NLGN1: variants seen among roughly 807,000 people sequenced by gnomAD.
NLGN1 encodes neuroligin 1.
In NLGN1, 12 loss-of-function variants were observed where a neutral mutation model predicts 65.5. The ratio of observed to expected loss-of-function variants is 0.18; its 90% CI spans 0.12 to 0.30. The LOEUF is 0.30. Among genes scored for constraint, NLGN1 ranks in the 10% least tolerant of loss-of-function variants. The pLI, the probability that NLGN1 is intolerant of heterozygous loss-of-function variation, is 1.00. For synonymous variants in NLGN1, 350 were observed against 359.5 expected, an observed-to-expected ratio of 0.97 and a Z score of 0.30; for missense variants, 750 against 1,007.1, an observed-to-expected ratio of 0.74 and a Z score of 3.46.
chr3:173,946,796 C>T (rs1021714089), intron 4 of NLGN1, among the ~76,000 whole-genome samples: 2 of 152,164 alleles, frequency 1.3e-5, no homozygotes, highest in Non-Finnish European at 2.9e-5. Context: ...AATATGGAAT[C>T]TTGTTTCTTT....
At chr3:174,007,151 G>T (rs1041725640) in intron 4 of NLGN1, among the ~76,000 whole-genome samples, 1 of 152,132 alleles carries the variant, frequency 6.6e-6, no homozygotes, top group African/African-American at 2.4e-5. Context: ...ACCATGCGGA[G>T]CACAGTAAGA....
chr3:173,804,808 C>T (rs1221350753), intron 3 of NLGN1, among the ~76,000 whole-genome samples: 6 of 152,072 alleles, frequency 3.9e-5, no homozygotes, highest in Non-Finnish European at 8.8e-5. Flanking sequence ...GGGCAGATCA[C>T]CTGAGGTCAG....
chr3:173,397,304 A>T (rs1560194836), upstream of NLGN1, among the ~76,000 whole-genome samples: 1 of 152,126 alleles, frequency 6.6e-6, no homozygotes, highest in Non-Finnish European at 1.5e-5. Flanking sequence ...TAAGTACATG[A>T]CACTAAATTT....
chr3:173,539,680 A>ATGTATATATG (rs1491320246), intron 2 of NLGN1, among the ~76,000 whole-genome samples: 6 of 83,478 alleles, frequency 7.2e-5, no homozygotes, highest in African/African-American at 5.2e-4. Context: ...CATATATAAC[A>ATGTATATATG]TACATATATG....
At chr3:173,642,848 G>A (rs1166834577) in intron 3 of NLGN1, among the ~76,000 whole-genome samples, 1 of 152,126 alleles carries the variant, frequency 6.6e-6, no homozygotes, top group Non-Finnish European at 1.5e-5. Context: ...ACTTATGTAT[G>A]ACCCTTTATA....
intron 4 of NLGN1, among the ~76,000 whole-genome samples, chr3:174,093,027 T>C (rs1332038923): frequency 6.6e-6 from 1 of 152,184 alleles, no homozygotes; most frequent in Non-Finnish European, 1.5e-5. Context: ...GGGCCATACC[T>C]AACAACAGTG....
At chr3:173,421,090 A>G (rs1447111469) in intron 1 of NLGN1, among the ~76,000 whole-genome samples, 1 of 152,124 alleles carries the variant, frequency 6.6e-6, no homozygotes, top group African/African-American at 2.4e-5. Context: ...TAATAATACA[A>G]TTGTTATAAA....
chr3:173,449,130 C>T (rs1272230430), intron 2 of NLGN1, among the ~76,000 whole-genome samples: 3 of 151,964 alleles, frequency 2.0e-5, no homozygotes, highest in Non-Finnish European at 1.5e-5. Flanking sequence ...GCTCTTGCTT[C>T]TCTAATTCTT....
At chr3:173,587,851 T>C (rs1747764269) in intron 2 of NLGN1, among the ~76,000 whole-genome samples, 2 of 152,214 alleles carry the variant, frequency 1.3e-5, no homozygotes, top group Non-Finnish European at 2.9e-5. Flanking sequence ...TTTTATGTGT[T>C]GCAACTGGCC....
chr3:173,459,956 A>T (rs1723098388), intron 2 of NLGN1, among the ~76,000 whole-genome samples: 1 of 152,080 alleles, frequency 6.6e-6, no homozygotes, highest in South Asian at 2.1e-4. Context: ...AGAAGCAATT[A>T]TTTTTATAGC....
In NLGN1 at chr3:174,262,009, C is replaced by G. The variant is rs1040366758; in HGVS notation, c.647-13306C>G. 3.9e-4 allele frequency among the ~76,000 whole-genome samples: 56 copies of G among 142,956 alleles called. 1 individual carries two copies. Among genetic ancestry groups the G allele is most frequent in the Admixed American group, 1.4e-3 (20 of 14,290 alleles). The allele number at this position is 142,956 out of a possible 152,430, so 93.8% of individuals were successfully genotyped here. A position where few individuals can be genotyped will look rare whatever the true frequency, so the allele number is the denominator to read the frequency against. On this transcript the variant is annotated intron_variant, in intron 4 of 6. Coordinates refer to ENST00000457714, the Ensembl canonical transcript of NLGN1. ...ATTTACTGATTTGCGTATATTGAAC[C>G]AGCCTTGCATCCCAGGGATGAAGCC...
intron 1 of NLGN1, among the ~76,000 whole-genome samples, chr3:173,431,768 G>A (rs543886179): frequency 6.6e-6 from 1 of 152,102 alleles, no homozygotes; most frequent in Non-Finnish European, 1.5e-5. Context: ...GAATGTTGGT[G>A]TAGTACAGTC....
chr3:174,254,291 G>T (rs1413172720), intron 4 of NLGN1, among the ~76,000 whole-genome samples: 1 of 144,868 alleles, frequency 6.9e-6, no homozygotes, highest in Admixed American at 7.0e-5. Context: ...GATTTCTTAG[G>T]AAAAGTCCTT....
In NLGN1 at chr3:174,154,994, A is replaced by AT. The variant is rs1725149302; in HGVS notation, c.647-120320dup. On this transcript the variant is annotated intron_variant, in intron 4 of 6. Coordinates refer to ENST00000457714, the Ensembl canonical transcript of NLGN1. ...TATATAATATATTATATTATATATT[A>AT]TATATATTTATATATTGATATAAAT... 8.9e-5 allele frequency among the ~76,000 whole-genome samples: 12 copies of AT among 135,362 alleles called. No individual in the cohort carries two copies. In the South Asian group the frequency reaches 2.0e-3, roughly 22 times the overall value. 88.8% of individuals were successfully genotyped at this position (135,362 alleles called of 152,430 possible).
At chr3:173,559,232 G>A (rs16827826) in intron 2 of NLGN1, among the ~76,000 whole-genome samples, 4,919 of 152,120 alleles carry the variant, frequency 0.032, 252 homozygotes, top group African/African-American at 0.11. Context: ...CTGGTTTCTT[G>A]GCAAAATTCA....
chr3:173,677,309 T>G (rs920957872), intron 3 of NLGN1, among the ~76,000 whole-genome samples: 3 of 152,034 alleles, frequency 2.0e-5, no homozygotes, highest in Admixed American at 6.6e-5. Flanking sequence ...TGCTTGGAAC[T>G]ATGTGCTAGA....
chr3:173,899,382 C>T (rs1736918911), intron 4 of NLGN1, among the ~76,000 whole-genome samples: 1 of 152,004 alleles, frequency 6.6e-6, no homozygotes, highest in Non-Finnish European at 1.5e-5. Flanking sequence ...TTGGAATAAG[C>T]GTAGAACATT....
intron 4 of NLGN1, among the ~76,000 whole-genome samples, chr3:173,956,867 T>C (rs1484578565): frequency 6.6e-6 from 1 of 152,188 alleles, no homozygotes; most frequent in East Asian, 1.9e-4. Flanking sequence ...CACAGACTTC[T>C]ATAGAGATGG....
At chr3:173,956,290 G>A (rs1212291216) in intron 4 of NLGN1, among the ~76,000 whole-genome samples, 1 of 152,068 alleles carries the variant, frequency 6.6e-6, no homozygotes, top group Non-Finnish European at 1.5e-5. Context: ...TATAACCAAA[G>A]GAAGCAAGAG....
Sources: allele counts gnomAD v4.1 joint callset (sites outside exome capture counted in the v4.1 genomes callset), GRCh38; gene constraint gnomAD v4.1.1; transcripts MANE v1.5; gene names NCBI Gene and HGNC (gene_info 2026-07-23, HGNC 2026-07-21).